The following ERC2 variants were observed in gnomAD, a reference collection of about 807,000 sequenced individuals.
The protein encoded by ERC2 is ERC protein 2.
A neutral mutation model predicts 114.8 loss-of-function variants in ERC2; 42 were observed. The observed-to-expected ratio is 0.37, with a 90% confidence interval of 0.29 to 0.47. ERC2 has a LOEUF of 0.47. Among genes scored for constraint, ERC2 ranks in the 20% least tolerant of loss-of-function variants. The pLI is 0.99. For missense variants in ERC2, 939 were observed against 1,150.7 expected, an observed-to-expected ratio of 0.82 and a Z score of 2.66; for synonymous variants, 454 against 425.5, an observed-to-expected ratio of 1.07 and a Z score of -0.82.
chr3:55,609,485 G>A (rs1018273024), intron 17 of ERC2, among the ~76,000 whole-genome samples: 1 of 152,260 alleles, frequency 6.6e-6, no homozygotes, highest in East Asian at 1.9e-4. Flanking sequence ...CAGCCATCAT[G>A]CTCCACTGAG....
At chr3:56,206,428 A>G (rs1227545065) in intron 3 of ERC2, among the ~76,000 whole-genome samples, 1 of 152,182 alleles carries the variant, frequency 6.6e-6, no homozygotes, top group Non-Finnish European at 1.5e-5. Context: ...TCTGATACAT[A>G]CTGAACACCC....
At chr3:56,312,280 G>A (rs2056626746) in intron 2 of ERC2, among the ~76,000 whole-genome samples, 3 of 152,154 alleles carry the variant, frequency 2.0e-5, no homozygotes, top group Admixed American at 1.3e-4. Context: ...AATCCAAGAA[G>A]ACCTTTAAAA....
intron 14 of ERC2, among the ~76,000 whole-genome samples, chr3:55,830,550 G>A (rs2060523802): frequency 6.6e-6 from 1 of 152,174 alleles, no homozygotes; most frequent in African/African-American, 2.4e-5. Flanking sequence ...TAATTATAAG[G>A]TTGTGAGGTT....
intron 14 of ERC2, among the ~76,000 whole-genome samples, chr3:55,869,838 C>T (rs2149279726): frequency 6.6e-6 from 1 of 152,168 alleles, no homozygotes; most frequent in Admixed American, 6.5e-5. Flanking sequence ...TGCACAATAT[C>T]CAAAGGAGAT....
intron 17 of ERC2, among the ~76,000 whole-genome samples, chr3:55,601,368 C>T (rs1239834574): frequency 6.6e-6 from 1 of 152,176 alleles, no homozygotes. Context: ...AAAAAGTCCT[C>T]CTCAGAAACA....
chr3:56,091,404 TGAG>T (rs1158956606), intron 6 of ERC2, among the ~76,000 whole-genome samples: 2 of 152,066 alleles, frequency 1.3e-5, no homozygotes, highest in African/African-American at 4.8e-5. Flanking sequence ...GAACTGGACT[TGAG>T]GAAAGGAAAT....
At chr3:55,666,361 C>T (rs572051837) in intron 17 of ERC2, among the ~76,000 whole-genome samples, 10 of 152,310 alleles carry the variant, frequency 6.6e-5, no homozygotes, top group Middle Eastern at 6.8e-3. Flanking sequence ...TCTTCCATGT[C>T]GTAACACACA....
At chr3:55,676,788 C>A (rs2148756614) in intron 17 of ERC2, among the ~76,000 whole-genome samples, 1 of 152,244 alleles carries the variant, frequency 6.6e-6, no homozygotes, top group South Asian at 2.1e-4. Flanking sequence ...GGAGAGCCAG[C>A]ATGCTCCCTG....
At chr3:55,950,776 G>C (rs1002192362) in intron 12 of ERC2, among the ~76,000 whole-genome samples, 1 of 152,162 alleles carries the variant, frequency 6.6e-6, no homozygotes, top group African/African-American at 2.4e-5. Flanking sequence ...GTGGCAAATG[G>C]GGCAGGTATA....
chr3:56,431,382 AG>A (rs1365991721), intron 2 of ERC2, among the ~76,000 whole-genome samples: 1 of 152,228 alleles, frequency 6.6e-6, no homozygotes, highest in Non-Finnish European at 1.5e-5. Context: ...AAGGAATTAA[AG>A]AACCAATGTG....
At chr3:55,868,131 G>T (rs1249144016) in intron 14 of ERC2, among the ~76,000 whole-genome samples, 1 of 151,824 alleles carries the variant, frequency 6.6e-6, no homozygotes, top group African/African-American at 2.4e-5. Flanking sequence ...GAATTTCCTG[G>T]TCCCTTAATC....
chr3:55,964,539 G>T (rs2068613493), intron 12 of ERC2, among the ~76,000 whole-genome samples: 1 of 152,024 alleles, frequency 6.6e-6, no homozygotes, highest in Non-Finnish European at 1.5e-5. Context: ...TCCATCTGAG[G>T]TGTGGCTTAC....
intron 7 of ERC2, among the ~76,000 whole-genome samples, chr3:56,051,015 G>C (rs929199628): frequency 3.6e-4 from 55 of 152,292 alleles, no homozygotes; most frequent in African/African-American, 1.3e-3. Flanking sequence ...ACAGAGGAAA[G>C]CCCATTCCCC....
intron 6 of ERC2, among the ~76,000 whole-genome samples, chr3:56,092,248 A>G (rs1403136002): frequency 6.6e-6 from 1 of 152,214 alleles, no homozygotes; most frequent in Non-Finnish European, 1.5e-5. Context: ...CTACCTGTCA[A>G]AAAATTATAC....
At chr3:56,205,817 T>A (rs2150108837) in intron 3 of ERC2, among the ~76,000 whole-genome samples, 1 of 152,270 alleles carries the variant, frequency 6.6e-6, no homozygotes, top group Admixed American at 6.5e-5. Context: ...GCACTCCACA[T>A]CCTTTACCTA....
At chr3:55,941,430 G>T in intron 13 of ERC2, among the ~76,000 whole-genome samples, 1 of 152,132 alleles carries the variant, frequency 6.6e-6, no homozygotes, top group East Asian at 1.9e-4. Flanking sequence ...AGAGTCAACA[G>T]CCCTCCAAAT....
chr3:56,010,782 T>C (rs2072858967), intron 8 of ERC2, among the ~76,000 whole-genome samples, 193 bp from the exon 9 acceptor site: 2 of 152,116 alleles, frequency 1.3e-5, no homozygotes, highest in Admixed American at 6.5e-5. Flanking sequence ...AATAACAGCT[T>C]TTGACTTGTT....
intron 3 of ERC2, among the ~76,000 whole-genome samples, chr3:56,273,867 C>T (rs776685943): frequency 6.6e-6 from 1 of 152,168 alleles, no homozygotes; most frequent in Non-Finnish European, 1.5e-5. Context: ...AAAATATATG[C>T]AAATCCATGA....
At chr3:56,448,060 A>T (rs1039237346) in intron 1 of ERC2, among the ~76,000 whole-genome samples, 2 of 152,130 alleles carry the variant, frequency 1.3e-5, no homozygotes, top group African/African-American at 4.8e-5. Flanking sequence ...GTTAATTTTT[A>T]TATAGTGAGC....
Sources: allele counts gnomAD v4.1 joint callset (sites outside exome capture counted in the v4.1 genomes callset), GRCh38; gene constraint gnomAD v4.1.1; transcripts MANE v1.5; gene names NCBI Gene and HGNC (gene_info 2026-07-23, HGNC 2026-07-21).